Variants in RPS6KA3 observed in about 807,000 individuals in gnomAD.
RPS6KA3 encodes ribosomal protein S6 kinase alpha-3.
A neutral mutation model predicts 67.2 loss-of-function variants in RPS6KA3; 4 were observed. That is an observed-to-expected ratio of 0.06 (90% CI 0.03 to 0.14). The LOEUF is 0.14. RPS6KA3 is among the 10% of genes least tolerant of loss of function. RPS6KA3 has a pLI of 1.00. For missense variants in RPS6KA3, 204 were observed against 559.0 expected (o/e 0.36, Z 6.40); for synonymous variants, 182 against 183.7 (o/e 0.99, Z 0.07).
At chrX:20,177,591 A>G in intron 10 of RPS6KA3, among the ~76,000 whole-genome samples, 1 of 112,478 alleles carries the variant, frequency 8.9e-6, no homozygotes. Flanking sequence ...GCACTGTGAA[A>G]GTAAGATCAT....
At chrX:20,247,226 G>T (rs1200262303) in intron 1 of RPS6KA3, among the ~76,000 whole-genome samples, 1 of 109,437 alleles carries the variant, frequency 9.1e-6, no homozygotes, top group African/African-American at 3.3e-5. Flanking sequence ...AGGAGTTCAA[G>T]ACCAGCCTGG....
intron 1 of RPS6KA3, among the ~76,000 whole-genome samples, chrX:20,240,132 C>T (rs1351470409): frequency 1.8e-5 from 2 of 108,624 alleles, no homozygotes; most frequent in African/African-American, 6.7e-5. Flanking sequence ...CATTCTCCTA[C>T]CTAGAAATGA....
Position 20,266,646 on chromosome X carries a change from C to CCGCCGCCTT in RPS6KA3, c.-23_-15dup. 2.7e-6 allele frequency: 3 copies of CCGCCGCCTT among 1,128,835 alleles called. No individual in the cohort carries two copies. Among genetic ancestry groups the CCGCCGCCTT allele is most frequent in the Non-Finnish European group, 3.5e-6 (3 of 856,119 alleles). The allele number at this position is 1,128,835 out of a possible 1,213,427, so 93.0% of individuals were successfully genotyped here. A position where few individuals can be genotyped will look rare whatever the true frequency, so the allele number is the denominator to read the frequency against. ...CGCCAGCGGCATCTTCCCCCCCGGC[C>CCGCCGCCTT]CGCCGCCTTCACCGCCTCCTCCCTC... On this transcript the variant is annotated 5_prime_UTR_variant, in exon 1 of 22. Coordinates refer to ENST00000379565, the MANE Select transcript of RPS6KA3 (RefSeq NM_004586.3).
rs187126268 is a variant in RPS6KA3, at chrX:20,258,505, T to C, written c.69+8059A>G. On this transcript the variant is annotated intron_variant, in intron 1 of 21. Transcript: ENST00000379565. Reference sequence around the variant, plus strand: ...AATGATCTTTTGCTTCAGGCTATCATTTGACATCTGCTTCTAACACATATC... The same window carrying C: ...AATGATCTTTTGCTTCAGGCTATCACTTGACATCTGCTTCTAACACATATC... 2.0e-3 allele frequency among the ~76,000 whole-genome samples: 223 copies of C among 111,856 alleles called. 1 individual carries two copies. The highest frequency in any genetic ancestry group is 3.8e-3 in the Admixed American group (40 of 10,512).
chrX:20,202,149 T>G (rs2068457647), intron 4 of RPS6KA3, among the ~76,000 whole-genome samples: 1 of 108,506 alleles, frequency 9.2e-6, no homozygotes, highest in Non-Finnish European at 1.9e-5. Flanking sequence ...CCGGCTAATT[T>G]TTTTTGTATT....
At chrX:20,205,041 C>A (rs1603427753) in intron 3 of RPS6KA3, among the ~76,000 whole-genome samples, 1 of 112,481 alleles carries the variant, frequency 8.9e-6, no homozygotes, top group Non-Finnish European at 1.9e-5. Flanking sequence ...CAAATTATCA[C>A]ATACACCTAA....
chrX:20,246,139 A>T (rs1419468282), intron 1 of RPS6KA3, among the ~76,000 whole-genome samples: 1 of 109,405 alleles, frequency 9.1e-6, no homozygotes, highest in African/African-American at 3.3e-5. Context: ...AAAAAAAAAA[A>T]AAAAGGGAAA....
intron 10 of RPS6KA3, among the ~76,000 whole-genome samples, chrX:20,184,406 T>C (rs1199104868): frequency 9.5e-6 from 1 of 105,373 alleles, no homozygotes; most frequent in African/African-American, 3.4e-5. Flanking sequence ...TCTTTTTTTT[T>C]TTTTTTTTTT....
chrX:20,232,860 C>T (rs919011450), intron 2 of RPS6KA3, among the ~76,000 whole-genome samples: 2 of 112,066 alleles, frequency 1.8e-5, no homozygotes, highest in African/African-American at 6.5e-5. Context: ...GTCAGCCAGG[C>T]ATGGTGGCTC....
chrX:20,213,944 T>TA (rs200281745), intron 2 of RPS6KA3, among the ~76,000 whole-genome samples: 1,682 of 104,555 alleles, frequency 0.016, 39 homozygotes, highest in African/African-American at 0.054. Flanking sequence ...TGAGGGGACT[T>TA]AAAAAAAAAA....
At chrX:20,193,107 G>A (rs1164389720) in intron 7 of RPS6KA3, among the ~76,000 whole-genome samples, 2 of 110,958 alleles carry the variant, frequency 1.8e-5, no homozygotes, top group Non-Finnish European at 3.8e-5. Context: ...GTGAAACCCT[G>A]TTTCTACTAA....
At chrX:20,240,449 A>C (rs1435737518) in intron 1 of RPS6KA3, 2 of 163,459 alleles carry the variant, frequency 1.2e-5, no homozygotes, top group African/African-American at 6.4e-5. Context: ...AACCTCTCTC[A>C]AACTTTGGTT....
Position 20,266,535 on chromosome X carries a change from G to GCCGGCC in RPS6KA3, c.69+23_69+28dup, listed in dbSNP as rs772659739. On this transcript the variant is annotated intron_variant, in intron 1 of 21. Transcript: ENST00000379565. The stretch of plus-strand genomic sequence containing the variant: ...CGGCGGGGGCGCGAGGAGGAGATGC[G>GCCGGCC]CCGGCCCCGGCCGCCCTGCTGCACT... 1.6e-4 allele frequency: 177 copies of GCCGGCC among 1,119,985 alleles called. No individual in the cohort carries two copies. In the South Asian group the frequency reaches 1.9e-3, roughly 12 times the overall value. 92.3% of individuals were successfully genotyped at this position (1,119,985 alleles called of 1,213,427 possible). A position where few individuals can be genotyped will look rare whatever the true frequency, so the allele number is the denominator to read the frequency against.
intron 2 of RPS6KA3, among the ~76,000 whole-genome samples, chrX:20,229,093 G>C (rs1325110857): frequency 9.2e-6 from 1 of 109,186 alleles, no homozygotes; most frequent in African/African-American, 3.4e-5. Context: ...CCCCAAATGC[G>C]ACAACTCAAA....
intron 3 of RPS6KA3, among the ~76,000 whole-genome samples, chrX:20,207,987 T>G (rs2068612700): frequency 8.9e-6 from 1 of 111,816 alleles, no homozygotes. Context: ...AATCTCCAAA[T>G]TTTCCTCTTG....
intron 1 of RPS6KA3, among the ~76,000 whole-genome samples, chrX:20,237,139 T>A (rs896030273): frequency 9.0e-6 from 1 of 111,682 alleles, no homozygotes; most frequent in Non-Finnish European, 1.9e-5. Flanking sequence ...ACAATCAATG[T>A]CAGTTAGTTT....
chrX:20,194,951 T>G (rs2068234328), intron 5 of RPS6KA3, 114 bp downstream of exon 5: 2 of 464,253 alleles, frequency 4.3e-6, no homozygotes, highest in Admixed American at 6.7e-5. Context: ...TATTACTATA[T>G]AGATCTGCTA....
chrX:20,241,267 C>T (rs554982115), intron 1 of RPS6KA3, among the ~76,000 whole-genome samples: 1 of 108,590 alleles, frequency 9.2e-6, no homozygotes, highest in East Asian at 2.9e-4. Context: ...GAAGTGTTAC[C>T]GTCTAAGGGG....
chrX:20,234,978 C>T (rs897965130), intron 1 of RPS6KA3, among the ~76,000 whole-genome samples, 164 bp from the exon 2 acceptor site: 3 of 111,310 alleles, frequency 2.7e-5, no homozygotes, highest in Non-Finnish European at 5.7e-5. Flanking sequence ...AAATTTGCAA[C>T]AGGATGTGCT....
Sources: gnomAD v4.1 joint callset for allele counts (sites outside exome capture counted in the v4.1 genomes callset) on GRCh38, gnomAD v4.1.1 for gene constraint, MANE v1.5 for transcripts, NCBI Gene and HGNC (gene_info 2026-07-23, HGNC 2026-07-21) for gene names.